The following MSRA variants were observed in gnomAD, a reference collection of about 807,000 sequenced individuals.
The protein encoded by MSRA is mitochondrial peptide methionine sulfoxide reductase.
A neutral mutation model predicts 31.3 loss-of-function variants in MSRA; 54 were observed. That is an observed-to-expected ratio of 1.73 (90% CI 1.39 to 2.17). The LOEUF (loss-of-function observed/expected upper bound fraction) is 2.17, where lower values mean the gene tolerates loss of function less well. Among genes scored for constraint, MSRA ranks in the 30% most tolerant of loss-of-function variants. The pLI, the probability that MSRA is intolerant of heterozygous loss-of-function variation, is 0.00. For missense variants in MSRA, 507 were observed against 300.9 expected (o/e 1.69, Z -5.07); for synonymous variants, 169 against 116.5 (o/e 1.45, Z -2.90).
intron 1 of MSRA, among the ~76,000 whole-genome samples, chr8:10,084,156 C>T (rs1798430923): frequency 6.6e-6 from 1 of 152,226 alleles, no homozygotes; most frequent in Admixed American, 6.5e-5. Context: ...GAGTACTCTC[C>T]GACTTGTCCA....
intron 2 of MSRA, among the ~76,000 whole-genome samples, chr8:10,233,246 C>T (rs974734626): frequency 1.3e-5 from 2 of 152,212 alleles, no homozygotes; most frequent in Non-Finnish European, 2.9e-5. Flanking sequence ...GTAGGTACAA[C>T]TTGAAAGTGC....
In MSRA at chr8:10,238,165, A is replaced by G. The variant is rs534502154; in HGVS notation, c.212-6939A>G. On this transcript the variant is annotated intron_variant, in intron 2 of 5. Coordinates refer to ENST00000317173, the MANE Select transcript of MSRA (RefSeq NM_012331.5). ...CCTGCCCCTTAGAAATAGCAGGCACATTCTTGTTGCCCCTGTAGGACTGCT... is the reference window on the plus strand; with the variant it reads ...CCTGCCCCTTAGAAATAGCAGGCACGTTCTTGTTGCCCCTGTAGGACTGCT... Among the ~76,000 whole-genome samples, 6 of 152,240 alleles carry G rather than the reference A, an allele frequency of 3.9e-5. No homozygotes were observed. In the South Asian group the frequency reaches 8.3e-4, roughly 21 times the overall value.
At chr8:10,255,201 G>A (rs1170912313) in intron 3 of MSRA, among the ~76,000 whole-genome samples, 2 of 152,224 alleles carry the variant, frequency 1.3e-5, no homozygotes, top group African/African-American at 4.8e-5. Flanking sequence ...AGTAAAATGA[G>A]AAGGCCTTCC....
chr8:10,132,183 C>T (rs1008873732), intron 1 of MSRA, among the ~76,000 whole-genome samples: 1 of 152,200 alleles, frequency 6.6e-6, no homozygotes, highest in African/African-American at 2.4e-5. Context: ...CCTGATCGTT[C>T]TGTAAATTGG....
At chr8:10,087,520 T>C (rs1340517448) in intron 1 of MSRA, among the ~76,000 whole-genome samples, 1 of 152,318 alleles carries the variant, frequency 6.6e-6, no homozygotes, top group East Asian at 1.9e-4. Context: ...CTGTGCTCTT[T>C]GGAGTTTCAG....
chr8:10,192,676 T>G (rs1807614576), intron 1 of MSRA, among the ~76,000 whole-genome samples: 1 of 152,228 alleles, frequency 6.6e-6, no homozygotes, highest in Non-Finnish European at 1.5e-5. Context: ...CTATCCTAGC[T>G]TGCAACCAGC....
At chr8:10,213,892 A>T (rs1355938973) in intron 2 of MSRA, among the ~76,000 whole-genome samples, 1 of 151,904 alleles carries the variant, frequency 6.6e-6, no homozygotes, top group African/African-American at 2.4e-5. Context: ...CCATTTGGGA[A>T]CTCACGTCCA....
chr8:10,398,664 G>T (rs973202687), intron 5 of MSRA, among the ~76,000 whole-genome samples: 10 of 152,202 alleles, frequency 6.6e-5, no homozygotes, highest in Non-Finnish European at 5.9e-5. Context: ...AGCTGCTAAG[G>T]CCTGATCTTT....
chr8:10,150,952 C>T (rs1303577932), intron 1 of MSRA, among the ~76,000 whole-genome samples: 1 of 152,038 alleles, frequency 6.6e-6, no homozygotes, highest in Non-Finnish European at 1.5e-5. Context: ...TCCCTGGACA[C>T]CACTGGTGGT....
intron 5 of MSRA, among the ~76,000 whole-genome samples, chr8:10,376,260 T>C (rs532776429): frequency 6.6e-6 from 1 of 152,308 alleles, no homozygotes; most frequent in African/African-American, 2.4e-5. Flanking sequence ...TTCTGACAAG[T>C]TTCTTGAGGC....
chr8:10,307,432 T>C (rs1450085902), intron 4 of MSRA, among the ~76,000 whole-genome samples: 1 of 152,164 alleles, frequency 6.6e-6, no homozygotes, highest in African/African-American at 2.4e-5. Context: ...CTTCCAAAGT[T>C]CTGGGATGAC....
rs548588862 is a variant in MSRA at position 10,389,262 on chromosome 8, C to T, written c.544-38886C>T. ...AATAAGCTGTAGCCAGGCTTGAGAACCACCGGAGTCATCTTCCGAATGGAG... is the reference window on the plus strand; with the variant it reads ...AATAAGCTGTAGCCAGGCTTGAGAATCACCGGAGTCATCTTCCGAATGGAG... On this transcript the variant is annotated intron_variant, in intron 5 of 5. Coordinates refer to ENST00000317173, the MANE Select transcript of MSRA (RefSeq NM_012331.5). 7.9e-5 allele frequency among the ~76,000 whole-genome samples: 12 copies of T among 152,254 alleles called. No individual in the cohort carries two copies. The South Asian group carries it at 2.3e-3, about 29-fold the overall frequency.
At chr8:10,327,940 C>T (rs1360719806) in intron 5 of MSRA, among the ~76,000 whole-genome samples, 3 of 150,058 alleles carry the variant, frequency 2.0e-5, no homozygotes, top group Non-Finnish European at 4.4e-5. Context: ...ACAACAACAA[C>T]AACAACAAAA....
At chr8:10,396,740 C>T (rs904049464) in intron 5 of MSRA, among the ~76,000 whole-genome samples, 2 of 152,162 alleles carry the variant, frequency 1.3e-5, no homozygotes, top group African/African-American at 4.8e-5. Context: ...GTTTTTCCTC[C>T]CAGTAAGACC....
intron 1 of MSRA, among the ~76,000 whole-genome samples, chr8:10,106,657 G>A (rs1268569971): frequency 6.6e-6 from 1 of 152,170 alleles, no homozygotes; most frequent in African/African-American, 2.4e-5. Flanking sequence ...TTTAAATCAA[G>A]TCCTCTGCTT....
chr8:10,349,603 C>G (rs1466407303), intron 5 of MSRA, among the ~76,000 whole-genome samples: 1 of 152,250 alleles, frequency 6.6e-6, no homozygotes, highest in Admixed American at 6.5e-5. Context: ...CCTCCCCTGG[C>G]TCATGCCTCA....
At chr8:10,071,651 A>T (rs117927296) in intron 1 of MSRA, among the ~76,000 whole-genome samples, 1 of 151,930 alleles carries the variant, frequency 6.6e-6, no homozygotes, top group East Asian at 1.9e-4. Flanking sequence ...TACATTTTAT[A>T]TTTAAGTCTG....
intron 5 of MSRA, among the ~76,000 whole-genome samples, chr8:10,427,352 C>T (rs572437831): frequency 6.6e-6 from 1 of 152,310 alleles, no homozygotes; most frequent in Non-Finnish European, 1.5e-5. Context: ...TAGTCTGTCT[C>T]CTGCCCCAAA....
intron 3 of MSRA, among the ~76,000 whole-genome samples, chr8:10,283,506 G>C (rs1221136760): frequency 6.6e-6 from 1 of 151,556 alleles, no homozygotes; most frequent in African/African-American, 2.4e-5. Flanking sequence ...GCATTCTTTA[G>C]TGGTGATTTG....
Sources: allele counts gnomAD v4.1 joint callset (sites outside exome capture counted in the v4.1 genomes callset), GRCh38; gene constraint gnomAD v4.1.1; transcripts MANE v1.5; gene names NCBI Gene and HGNC (gene_info 2026-07-23, HGNC 2026-07-21).